ZNF596: variants seen among roughly 807,000 people sequenced by gnomAD.
The protein encoded by ZNF596 is zinc finger protein 596.
In ZNF596, 45 loss-of-function variants were observed where a neutral mutation model predicts 48.3. The observed-to-expected ratio is 0.93, with a 90% CI of 0.73 to 1.19. The LOEUF (loss-of-function observed/expected upper bound fraction) is 1.19. Ranked by LOEUF, ZNF596 falls within the 50% of genes most tolerant of loss-of-function variation. ZNF596 has a pLI of 0.00. For synonymous variants in ZNF596, 270 were observed against 202.0 expected (o/e 1.34, Z -2.85); for missense variants, 848 against 599.7 (o/e 1.41, Z -4.32).
In ZNF596 at chr8:247,144, C is replaced by T. The variant is rs1797123365; in HGVS notation, c.*782C>T. On this transcript the variant is annotated 3_prime_UTR_variant, in exon 6 of 6. Coordinates refer to ENST00000398612, the MANE Select transcript of ZNF596 (RefSeq NM_001042416.3). ...AGACAGGGATGAAAACTCTAAAAAG[C>T]CATTGATGAGATGTATAGCTGGGGG... The T allele has an allele frequency of 1.3e-5, 2 of 152,006 alleles. No individual in the cohort carries two copies. The highest frequency in any genetic ancestry group is 6.6e-5 in the Admixed American group (1 of 15,260). 9.4% of individuals were successfully genotyped at this position (152,006 alleles called of 1,614,324 possible).
rs1445931831 is a variant in ZNF596, at chr8:246,332, A to T, written c.1485A>T (p.Arg495Ser). The change falls in exon 6 of 6, where the codon AGA becomes AGT. Residue 495 changes from arginine (R) to serine (S), a missense_variant. By Grantham distance (110) the Arg-to-Ser change is moderately radical (BLOSUM62 -1). Transcript: ENST00000398612. ...TTTTTAACCTTAGACAACATGAGAG[A>T]ACTCACACTAAAAAAGCAATGAATA... ...SKFFNLRQHE[R>S]THTKKAMNM is the part of the protein sequence containing the mutation. The T allele has an allele frequency of 1.3e-6, 2 of 1,593,018 alleles. No individual in the cohort carries two copies. Among genetic ancestry groups the T allele is most frequent in the Non-Finnish European group, 1.7e-6 (2 of 1,173,062 alleles).
chr8:246,158 T>A lies in ZNF596; in HGVS notation c.1311T>A (p.His437Gln). Residue 437 changes from histidine (H) to glutamine (Q), a missense_variant, in exon 6 of 6, where the codon CAT (histidine) becomes CAA (glutamine). Physicochemically the swap from His to Gln is conservative, Grantham distance 24 (BLOSUM62 0). Coordinates refer to ENST00000398612, the MANE Select transcript of ZNF596 (RefSeq NM_001042416.3). ...AFNHSSVLRRHERTHTGEKPY... is the reference protein window; with the variant it reads ...AFNHSSVLRRQERTHTGEKPY... ...ATCACTCTTCTGTCCTTAGACGACA[T>A]GAGAGAACTCACACTGGAGAGAAAC... 2.5e-6 allele frequency: 4 copies of A among 1,613,958 alleles called. No individual in the cohort carries two copies. Among genetic ancestry groups the A allele is most frequent in the Non-Finnish European group, 3.4e-6 (4 of 1,179,828 alleles).
chr8:242,871 G>A lies in ZNF596; in HGVS notation c.13-16G>A, dbSNP rs1357235203. ...GAGATAGCCCTGTTTGCAGTAGAAT[G>A]TCCATAATGTTTTAGGATTCCATGA... On this transcript the variant is annotated splice_polypyrimidine_tract_variant and intron_variant, in intron 2 of 5. Transcript: ENST00000398612. 5 of 1,521,386 alleles carry A rather than the reference G, an allele frequency of 3.3e-6. No homozygotes were observed. In the African/African-American group the frequency reaches 6.9e-5, roughly 21 times the overall value. The allele number at this position is 1,521,386 out of a possible 1,614,324, so 94.2% of individuals were successfully genotyped here. A position where few individuals can be genotyped will look rare whatever the true frequency, so the allele number is the denominator to read the frequency against.
chr8:236,823 T>C (rs753205449), intron 1 of ZNF596, among the ~76,000 whole-genome samples: 135 of 152,366 alleles, frequency 8.9e-4, no homozygotes, highest in Non-Finnish European at 1.9e-3. Context: ...GCTAAAATTG[T>C]ATTGATGATT....
At chr8:233,167 A>G (rs1584896700) in intron 1 of ZNF596, 1 of 465,940 alleles carries the variant, frequency 2.1e-6, no homozygotes, top group Non-Finnish European at 4.4e-6. Context: ...AAACACCGAC[A>G]ATGAAGGAGA....
At position 246,524 on chromosome 8, in the gene ZNF596, T is replaced by C. The variant is rs1797097985; in HGVS notation, c.*162T>C. On this transcript the variant is annotated 3_prime_UTR_variant, in exon 6 of 6. Coordinates refer to ENST00000398612, the MANE Select transcript of ZNF596 (RefSeq NM_001042416.3). ...AGAATCCAGATGTATTTAATGTTTA[T>C]GGCACAAACTTCAGACTCTAGGCTG... The C allele has an allele frequency of 1.1e-6, 1 of 884,982 alleles. No individual in the cohort carries two copies. Among genetic ancestry groups the C allele is most frequent in the Non-Finnish European group, 1.6e-6 (1 of 606,794 alleles). 54.8% of individuals were successfully genotyped at this position (884,982 alleles called of 1,614,324 possible).
At position 246,168 on chromosome 8, in the gene ZNF596, C is replaced by T. The variant is rs753462766; in HGVS notation, c.1321C>T (p.His441Tyr). Residue 441 changes from histidine (H) to tyrosine (Y), a missense_variant, in exon 6 of 6, where the codon CAC becomes TAC. Physicochemically the swap from His to Tyr is moderately conservative, Grantham distance 83. Coordinates refer to ENST00000398612, the MANE Select transcript of ZNF596 (RefSeq NM_001042416.3). Reference sequence around the variant, plus strand: ...TGTCCTTAGACGACATGAGAGAACTCACACTGGAGAGAAACCATATGAATG... The same window carrying T: ...TGTCCTTAGACGACATGAGAGAACTTACACTGGAGAGAAACCATATGAATG... ...SSVLRRHERT[H>Y]TGEKPYECNI... 15 of 1,614,066 alleles carry T rather than the reference C, an allele frequency of 9.3e-6. No individual in the cohort carries two copies. Among genetic ancestry groups the T allele is most frequent in the African/African-American group, 1.3e-5 (1 of 74,944 alleles).
chr8:233,076 AGAG>A (rs1359476078), intron 1 of ZNF596: 1 of 463,556 alleles, frequency 2.2e-6, no homozygotes, highest in Non-Finnish European at 4.4e-6. Context: ...AGGAGAAAAC[AGAG>A]GAGGGAGGTA....
intron 1 of ZNF596, among the ~76,000 whole-genome samples, chr8:236,571 C>T (rs1796622900): frequency 6.6e-6 from 1 of 151,824 alleles, no homozygotes; most frequent in Non-Finnish European, 1.5e-5. Flanking sequence ...GAATTAGTCC[C>T]CACAATTTGG....
intron 2 of ZNF596, among the ~76,000 whole-genome samples, chr8:241,662 A>T (rs1473877840): frequency 6.6e-6 from 1 of 152,180 alleles, no homozygotes; most frequent in African/African-American, 2.4e-5. Flanking sequence ...AGACCAGGAC[A>T]ATCAAAGGAT....
chr8:246,465 C>A lies in ZNF596; in HGVS notation c.*103C>A. The A allele has an allele frequency of 7.0e-7, 1 of 1,423,242 alleles. No individual in the cohort carries two copies. Among genetic ancestry groups the A allele is most frequent in the Non-Finnish European group, 9.4e-7 (1 of 1,067,262 alleles). 88.2% of individuals were successfully genotyped at this position (1,423,242 alleles called of 1,614,324 possible). A position where few individuals can be genotyped will look rare whatever the true frequency, so the allele number is the denominator to read the frequency against. ...TGGAAAAGCCTTTATTTATATTTAC[C>A]ACTTTGCTCAACCTAAATGAATTCA... On this transcript the variant is annotated 3_prime_UTR_variant, in exon 6 of 6. Transcript: ENST00000398612.
chr8:237,768 T>G (rs1453605792), intron 1 of ZNF596: 1 of 152,248 alleles, frequency 6.6e-6, no homozygotes, highest in African/African-American at 2.4e-5. Context: ...ATTTGGTGTT[T>G]AATTTTTGCT....
chr8:244,631 G>T lies in ZNF596; in HGVS notation c.236G>T (p.Gly79Val), dbSNP rs758921264. 5 of 1,610,220 alleles carry T rather than the reference G, an allele frequency of 3.1e-6. No individual in the cohort carries two copies. In the South Asian group the frequency reaches 5.5e-5, roughly 18 times the overall value. Residue 79 changes from glycine to valine, a missense_variant, in exon 5 of 6, where the codon GGC (glycine) becomes GTC (valine). Transcript: ENST00000398612. Reference sequence around the variant, plus strand: ...TCATTTATTTCAGGTAGAGAAGTTGGCATTAAACATCAAGAGATACCATTC... The same window carrying T: ...TCATTTATTTCAGGTAGAGAAGTTGTCATTAAACATCAAGAGATACCATTC... The part of the protein sequence containing the change: ...RISLLQGREV[G>V]IKHQEIPFIQ...
At chr8:239,744 A>G (rs896865697) in intron 1 of ZNF596, among the ~76,000 whole-genome samples, 1 of 152,152 alleles carries the variant, frequency 6.6e-6, no homozygotes, top group Non-Finnish European at 1.5e-5. Context: ...TAGGAATCCC[A>G]TCATTCAGGG....
In ZNF596 at chr8:244,650, A is replaced by T. The variant is rs566047941; in HGVS notation, c.255A>T (p.Ile85=). The T allele has an allele frequency of 6.2e-7, 1 of 1,613,432 alleles. No individual in the cohort carries two copies. The highest frequency in any genetic ancestry group is 1.3e-5 in the African/African-American group (1 of 74,954). The part of the protein sequence containing the change: ...GREVGIKHQE[I]PFIQHIYQKG... ...AAGTTGGCATTAAACATCAAGAGAT[A>T]CCATTCATTCAACATATCTATCAGA... The change falls in exon 5 of 6, where the codon ATA becomes ATT. Residue 85 remains isoleucine (I), a synonymous_variant. Transcript: ENST00000398612.
At chr8:243,037 G>T (rs1006771224) in intron 3 of ZNF596, 24 bp downstream of exon 3, 13 of 1,596,760 alleles carry the variant, frequency 8.1e-6, no homozygotes, top group Non-Finnish European at 1.1e-5. Flanking sequence ...TATTTATTAT[G>T]TATGTATATA....
intron 1 of ZNF596, among the ~76,000 whole-genome samples, chr8:236,760 CATT>C (rs1796633500): frequency 6.6e-6 from 1 of 152,114 alleles, no homozygotes; most frequent in Non-Finnish European, 1.5e-5. Context: ...CATGCTCTGT[CATT>C]ATTTAACCAT....
Position 244,360 on chromosome 8 carries a change from C to T in ZNF596, c.224-259C>T, listed in dbSNP as rs1796973665. ...TATTTGTGTACTTATTTGAGTTAAACTATTACATACTAGCCCTTTATAATG... is the reference window on the plus strand; with the variant it reads ...TATTTGTGTACTTATTTGAGTTAAATTATTACATACTAGCCCTTTATAATG... On this transcript the variant is annotated intron_variant, in intron 4 of 5. Coordinates refer to ENST00000398612, the MANE Select transcript of ZNF596 (RefSeq NM_001042416.3). The T allele has an allele frequency of 9.0e-6, 4 of 442,800 alleles. No individual in the cohort carries two copies. In the South Asian group the frequency reaches 1.2e-4, roughly 13 times the overall value. The allele number at this position is 442,800 out of a possible 1,614,324, so 27.4% of individuals were successfully genotyped here. A position where few individuals can be genotyped will look rare whatever the true frequency, so the allele number is the denominator to read the frequency against.
At chr8:243,542 A>G in intron 3 of ZNF596, 180 bp from the exon 4 acceptor site, 2 of 490,782 alleles carry the variant, frequency 4.1e-6, no homozygotes, top group Non-Finnish European at 7.2e-6. Flanking sequence ...ATGTCTGGGA[A>G]CAAGTTCAAG....
Sources: gnomAD v4.1 joint callset for allele counts (sites outside exome capture counted in the v4.1 genomes callset) on GRCh38, gnomAD v4.1.1 for gene constraint, MANE v1.5 for transcripts, NCBI Gene and HGNC (gene_info 2026-07-23, HGNC 2026-07-21) for gene names.